Variants in POFUT3 observed in about 807,000 individuals in gnomAD.
POFUT3 encodes the protein protein O-fucosyltransferase 3, also known as GDP-fucose protein O-fucosyltransferase 3.
At chr8:33,458,652 G>A in the POFUT3 span, among the ~76,000 whole-genome samples, 2 of 152,038 alleles carry the variant, frequency 1.3e-5, no homozygotes, top group South Asian at 4.1e-4. Flanking sequence ...GGAGGCAGAG[G>A]TTGCAGTGAG....
chr8:33,471,111 A>G, the POFUT3 span, among the ~76,000 whole-genome samples: 1 of 152,262 alleles, frequency 6.6e-6, no homozygotes, highest in African/African-American at 2.4e-5. Flanking sequence ...AAAAATGTTC[A>G]AAAACCCATG....
the POFUT3 span, among the ~76,000 whole-genome samples, chr8:33,387,474 C>T: frequency 6.6e-6 from 1 of 151,920 alleles, no homozygotes; most frequent in Admixed American, 6.6e-5. Flanking sequence ...CCAAAGTAAA[C>T]ATGTAAATAT....
At chr8:33,366,530 A>G in the POFUT3 span, among the ~76,000 whole-genome samples, 1 of 152,222 alleles carries the variant, frequency 6.6e-6, no homozygotes, top group Non-Finnish European at 1.5e-5. Context: ...AAACAAACTA[A>G]AAACATTATT....
chr8:33,401,355 G>A, the POFUT3 span, among the ~76,000 whole-genome samples: 4 of 152,224 alleles, frequency 2.6e-5, no homozygotes, highest in Non-Finnish European at 4.4e-5. Flanking sequence ...GGCTGTAGTT[G>A]CCCCATCATT....
the POFUT3 span, among the ~76,000 whole-genome samples, chr8:33,414,938 C>A: frequency 6.6e-6 from 1 of 151,326 alleles, no homozygotes; most frequent in South Asian, 2.1e-4. Context: ...TCCCCCATCA[C>A]CAAACCCCAC....
At chr8:33,308,854 C>A in the POFUT3 span, among the ~76,000 whole-genome samples, 3 of 151,988 alleles carry the variant, frequency 2.0e-5, no homozygotes, top group African/African-American at 7.3e-5. Flanking sequence ...GACCTCTCCT[C>A]ATCTGTGCAT....
the POFUT3 span, chr8:33,372,639 GCCACCTTAGT>G: frequency 6.2e-7 from 1 of 1,614,012 alleles, no homozygotes; most frequent in Non-Finnish European, 8.5e-7. Flanking sequence ...CTATCAACCA[GCCACCTTAGT>G]GCCTGGGCTT....
At chr8:33,355,674 T>C in the POFUT3 span, among the ~76,000 whole-genome samples, 1 of 151,974 alleles carries the variant, frequency 6.6e-6, no homozygotes, top group African/African-American at 2.4e-5. Flanking sequence ...TTTTTTTTGG[T>C]TTTATTATTA....
the POFUT3 span, among the ~76,000 whole-genome samples, chr8:33,360,478 A>ATAAC: frequency 6.6e-6 from 1 of 151,660 alleles, no homozygotes; most frequent in African/African-American, 2.4e-5. Flanking sequence ...AATAAAATAA[A>ATAAC]TAAATAAATA....
chr8:33,466,876 G>A, the POFUT3 span, among the ~76,000 whole-genome samples: 3,376 of 152,220 alleles, frequency 0.022, 60 homozygotes, highest in East Asian at 0.078. Context: ...AGGCCAAGGC[G>A]GGTGGATCAC....
chr8:33,453,703 CA>C, the POFUT3 span, among the ~76,000 whole-genome samples: 2 of 152,004 alleles, frequency 1.3e-5, no homozygotes, highest in Admixed American at 6.6e-5. Flanking sequence ...AGTGCGTCGT[CA>C]GGGGGGCAAG....
At chr8:33,404,110 G>A in the POFUT3 span, among the ~76,000 whole-genome samples, 2 of 152,156 alleles carry the variant, frequency 1.3e-5, no homozygotes, top group African/African-American at 2.4e-5. Flanking sequence ...GGCCAAGGCA[G>A]GCAGATCACC....
the POFUT3 span, among the ~76,000 whole-genome samples, chr8:33,326,372 G>A: frequency 3.0e-4 from 45 of 152,014 alleles, no homozygotes; most frequent in African/African-American, 9.2e-4. Flanking sequence ...CCCACTCTAC[G>A]TCTATCTGAG....
At chr8:33,457,651 G>A in the POFUT3 span, among the ~76,000 whole-genome samples, 1 of 152,028 alleles carries the variant, frequency 6.6e-6, no homozygotes, top group East Asian at 1.9e-4. Context: ...AAAGTTCCTA[G>A]CTCCAAAGTG....
At chr8:33,337,551 G>A in the POFUT3 span, among the ~76,000 whole-genome samples, 1 of 152,128 alleles carries the variant, frequency 6.6e-6, no homozygotes, top group East Asian at 1.9e-4. Context: ...ATAGAAAGCT[G>A]GTAGATAATA....
chr8:33,320,550 A>T, the POFUT3 span, among the ~76,000 whole-genome samples: 2 of 152,066 alleles, frequency 1.3e-5, no homozygotes, highest in Non-Finnish European at 2.9e-5. Context: ...ATTAATTCTT[A>T]CCTTCCATAG....
At chr8:33,400,385 A>G in the POFUT3 span, among the ~76,000 whole-genome samples, 1 of 152,102 alleles carries the variant, frequency 6.6e-6, no homozygotes, top group African/African-American at 2.4e-5. Context: ...CCCGGAAGGC[A>G]GAGGTTGCAG....
the POFUT3 span, among the ~76,000 whole-genome samples, chr8:33,390,857 CAG>C: frequency 2.0e-5 from 3 of 152,298 alleles, no homozygotes; most frequent in Non-Finnish European, 4.4e-5. Context: ...GATGTGCAGA[CAG>C]AAGTGATGGA....
chr8:33,313,481 G>A, the POFUT3 span, among the ~76,000 whole-genome samples: 6 of 151,990 alleles, frequency 3.9e-5, no homozygotes, highest in African/African-American at 1.4e-4. Flanking sequence ...CATTCTCGTG[G>A]CTCTGCTTGA....
Sources: allele counts gnomAD v4.1 joint callset (sites outside exome capture counted in the v4.1 genomes callset), GRCh38; gene constraint gnomAD v4.1.1; transcripts MANE v1.5; gene names NCBI Gene and HGNC (gene_info 2026-07-23, HGNC 2026-07-21).